The following IFTAP variants were observed in gnomAD, a reference collection of about 807,000 sequenced individuals.
IFTAP encodes the protein intraflagellar transport-associated protein.
In IFTAP, 19 loss-of-function variants were observed where a neutral mutation model predicts 19.4. That is an observed-to-expected ratio of 0.98 (90% confidence interval 0.68 to 1.44). The LOEUF (loss-of-function observed/expected upper bound fraction) is 1.44. IFTAP is among the 40% of genes most tolerant of loss of function. IFTAP has a pLI of 0.00. For synonymous variants in IFTAP, 85 were observed against 83.5 expected (o/e 1.02, Z -0.10); for missense variants, 240 against 253.6 (o/e 0.95, Z 0.36).
At chr11:36,644,935 A>C (rs1853416736) in intron 4 of IFTAP, among the ~76,000 whole-genome samples, 1 of 151,956 alleles carries the variant, frequency 6.6e-6, no homozygotes, top group South Asian at 2.1e-4. Context: ...CCAACATGGC[A>C]CATGTATACA....
chr11:36,655,513 G>A (rs1853939348), intron 5 of IFTAP, among the ~76,000 whole-genome samples: 1 of 152,158 alleles, frequency 6.6e-6, no homozygotes, highest in Non-Finnish European at 1.5e-5. Flanking sequence ...ACCTAACACA[G>A]TGACTAGAAT....
At chr11:36,646,698 G>T (rs1021852122) in intron 4 of IFTAP, among the ~76,000 whole-genome samples, 1 of 152,152 alleles carries the variant, frequency 6.6e-6, no homozygotes, top group East Asian at 1.9e-4. Flanking sequence ...AGACTGTCCA[G>T]CTCTGCCGTT....
intron 4 of IFTAP, 104 bp downstream of exon 4, chr11:36,636,221 T>C (rs1348438623): frequency 1.2e-6 from 1 of 811,870 alleles, no homozygotes; most frequent in East Asian, 2.6e-5. Flanking sequence ...CCTCCACCTC[T>C]CCTAAGACAG....
chr11:36,635,381 G>A (rs1297873997), intron 3 of IFTAP, among the ~76,000 whole-genome samples: 3 of 152,098 alleles, frequency 2.0e-5, no homozygotes, highest in Non-Finnish European at 2.9e-5. Context: ...ATGTCTCATT[G>A]TCAGCTTGCA....
intron 2 of IFTAP, 142 bp downstream of exon 2, chr11:36,610,381 G>T: frequency 4.1e-6 from 3 of 727,560 alleles, no homozygotes; most frequent in Non-Finnish European, 6.5e-6. Context: ...TAGGGCACTC[G>T]TGACTGATGC....
intron 5 of IFTAP, among the ~76,000 whole-genome samples, chr11:36,651,740 G>A (rs1853737803): frequency 6.6e-6 from 1 of 152,190 alleles, no homozygotes; most frequent in African/African-American, 2.4e-5. Context: ...TAAGGTGTAA[G>A]GAAGGGATCC....
chr11:36,612,959 G>A (rs1023554426), intron 2 of IFTAP, among the ~76,000 whole-genome samples: 2 of 151,978 alleles, frequency 1.3e-5, no homozygotes, highest in African/African-American at 4.8e-5. Flanking sequence ...ACGTTTTGTG[G>A]TTTTTTCTTT....
At chr11:36,640,259 G>A (rs1590225992) in intron 4 of IFTAP, among the ~76,000 whole-genome samples, 1 of 151,424 alleles carries the variant, frequency 6.6e-6, no homozygotes, top group African/African-American at 2.5e-5. Flanking sequence ...TGTGAATCAA[G>A]TTTGTGGCAC....
In IFTAP at chr11:36,648,035, A is replaced by G. The variant is rs946325426; in HGVS notation, c.378A>G (p.Gly126=). 3 of 1,613,178 alleles carry G rather than the reference A, an allele frequency of 1.9e-6. No homozygotes were observed. Among genetic ancestry groups the G allele is most frequent in the Non-Finnish European group, 1.7e-6 (2 of 1,179,458 alleles). Residue 126 remains glycine (G), a synonymous_variant, in exon 5 of 6, where the codon GGA becomes GGG. Coordinates refer to ENST00000334307, the MANE Select transcript of IFTAP (RefSeq NM_138787.4). ...QMSEDLLLLP[G]EVEQDVSTSI... is the part of the protein sequence containing the mutation. ...CAACAGATTTGCTGCTGCTTCCAGG[A>G]GAAGTGGAGCAGGATGTAAGCACCA...
At chr11:36,630,354 G>A (rs7929473) in intron 2 of IFTAP, among the ~76,000 whole-genome samples, 24,181 of 151,108 alleles carry the variant, frequency 0.16, 3,495 homozygotes, top group African/African-American at 0.34. Context: ...TGAAGTTTAG[G>A]AAGGAGCCTT....
chr11:36,617,506 C>G (rs537923693), intron 2 of IFTAP, among the ~76,000 whole-genome samples: 1 of 151,964 alleles, frequency 6.6e-6, no homozygotes, highest in East Asian at 1.9e-4. Context: ...TCTCAAGGCT[C>G]TGTAGGTGAT....
At chr11:36,631,801 C>A (rs1055764639) in intron 2 of IFTAP, among the ~76,000 whole-genome samples, 1 of 150,622 alleles carries the variant, frequency 6.6e-6, no homozygotes, top group Non-Finnish European at 1.5e-5. Flanking sequence ...CACTCTTTTA[C>A]TCTTTTAGTG....
intron 2 of IFTAP, among the ~76,000 whole-genome samples, chr11:36,624,321 T>G (rs1852425530): frequency 6.6e-6 from 1 of 152,150 alleles, no homozygotes; most frequent in Admixed American, 6.5e-5. Flanking sequence ...TACATCCTAG[T>G]CTTCCTTGAA....
intron 2 of IFTAP, among the ~76,000 whole-genome samples, chr11:36,617,729 A>C (rs994951669): frequency 2.6e-5 from 4 of 152,136 alleles, no homozygotes; most frequent in African/African-American, 9.6e-5. Flanking sequence ...TGTCTCGAGT[A>C]ACTTATTTAA....
intron 2 of IFTAP, among the ~76,000 whole-genome samples, chr11:36,621,009 G>C (rs116791583): frequency 0.11 from 17,204 of 151,856 alleles, 1,139 homozygotes; most frequent in African/African-American, 0.17. Context: ...ACTACTAATA[G>C]TTAAATAAAC....
At chr11:36,613,879 G>A (rs535064071) in intron 2 of IFTAP, among the ~76,000 whole-genome samples, 15 of 150,752 alleles carry the variant, frequency 1.0e-4, no homozygotes, top group Admixed American at 7.3e-4. Flanking sequence ...TTTTAGTAAA[G>A]TTTAGAGTTA....
chr11:36,633,223 C>A lies in IFTAP; in HGVS notation c.137-61C>A, dbSNP rs571907662. 1.3e-5 allele frequency: 18 copies of A among 1,347,002 alleles called. No individual in the cohort carries two copies. In the South Asian group the frequency reaches 3.2e-4, roughly 24 times the overall value. The allele number at this position is 1,347,002 out of a possible 1,614,324, so 83.4% of individuals were successfully genotyped here. A position where few individuals can be genotyped will look rare whatever the true frequency, so the allele number is the denominator to read the frequency against. The stretch of plus-strand genomic sequence containing the variant: ...TTGGAAGAAACTTTCTCAATATACA[C>A]AAAATAAACCAGACTTGGTATTGTG... On this transcript the variant is annotated intron_variant, in intron 2 of 5. Coordinates refer to ENST00000334307, the MANE Select transcript of IFTAP (RefSeq NM_138787.4).
intron 1 of IFTAP, among the ~76,000 whole-genome samples, chr11:36,606,690 T>C (rs183183282): frequency 1.3e-4 from 20 of 152,336 alleles, no homozygotes; most frequent in Admixed American, 1.3e-3. Flanking sequence ...TTTACAGGAA[T>C]GGAAACCACA....
chr11:36,640,742 G>C (rs991133678), intron 4 of IFTAP, among the ~76,000 whole-genome samples: 1 of 152,070 alleles, frequency 6.6e-6, no homozygotes, highest in African/African-American at 2.4e-5. Context: ...ATATTTAAAG[G>C]CTTTTCTGGC....
Sources: gnomAD v4.1 joint callset for allele counts (sites outside exome capture counted in the v4.1 genomes callset) on GRCh38, gnomAD v4.1.1 for gene constraint, MANE v1.5 for transcripts, NCBI Gene and HGNC (gene_info 2026-07-23, HGNC 2026-07-21) for gene names.